The following NRXN3 variants were observed in gnomAD, a reference collection of about 807,000 sequenced individuals.
NRXN3 encodes the protein neurexin 3, also known as neurexin III.
In NRXN3, 32 loss-of-function variants were observed where a neutral mutation model predicts 137.6. That is an observed-to-expected ratio of 0.23 (90% CI 0.18 to 0.31). NRXN3 has a LOEUF of 0.31. Among genes scored for constraint, NRXN3 ranks in the 10% least tolerant of loss-of-function variants. NRXN3 has a pLI of 1.00. For missense variants in NRXN3, 1,574 were observed against 2,062.5 expected (o/e 0.76, Z 4.59); for synonymous variants, 798 against 784.5 (o/e 1.02, Z -0.29).
intron 4 of NRXN3, among the ~76,000 whole-genome samples, chr14:78,342,170 T>C (rs2082217656): frequency 1.3e-5 from 2 of 152,164 alleles, no homozygotes; most frequent in Admixed American, 1.3e-4. Flanking sequence ...GAGAGAGATG[T>C]CACTGAGCTC....
At chr14:79,577,384 T>C (rs936337715) in intron 16 of NRXN3, among the ~76,000 whole-genome samples, 2 of 152,212 alleles carry the variant, frequency 1.3e-5, no homozygotes, top group Non-Finnish European at 2.9e-5. Context: ...TTCAGAGCCT[T>C]CTATTTTTCA....
intron 16 of NRXN3, among the ~76,000 whole-genome samples, chr14:79,652,287 G>A (rs544893303): frequency 1.3e-5 from 2 of 151,844 alleles, no homozygotes; most frequent in South Asian, 4.2e-4. Flanking sequence ...TCATGTTAAT[G>A]AACAAAATTG....
At chr14:78,463,328 T>C (rs2094983586) in intron 4 of NRXN3, among the ~76,000 whole-genome samples, 2 of 150,540 alleles carry the variant, frequency 1.3e-5, no homozygotes, top group African/African-American at 4.9e-5. Flanking sequence ...GACTTTAACT[T>C]TGCTATTGTG....
intron 16 of NRXN3, among the ~76,000 whole-genome samples, chr14:79,616,323 A>G (rs1291305120): frequency 6.6e-6 from 1 of 152,118 alleles, no homozygotes; most frequent in Non-Finnish European, 1.5e-5. Context: ...TTTAAGGGGT[A>G]CATTTGGCAC....
chr14:79,579,577 G>A (rs221414), intron 16 of NRXN3, among the ~76,000 whole-genome samples: 15,499 of 151,730 alleles, frequency 0.1, 1,201 homozygotes, highest in African/African-American at 0.21. Context: ...ATTAATTTGA[G>A]GCTTACATAT....
intron 15 of NRXN3, among the ~76,000 whole-genome samples, chr14:79,384,908 A>G (rs2094564052): frequency 6.6e-6 from 1 of 152,210 alleles, no homozygotes; most frequent in Non-Finnish European, 1.5e-5. Context: ...ATAATAAACC[A>G]TCAATAATTC....
chr14:78,869,948 G>A (rs1379393535), intron 10 of NRXN3, among the ~76,000 whole-genome samples: 8 of 152,152 alleles, frequency 5.3e-5, no homozygotes, highest in Non-Finnish European at 1.0e-4. Context: ...ACAGAGTAGA[G>A]GTCAGCAGAC....
At chr14:78,692,439 A>G (rs2152774468) in intron 6 of NRXN3, among the ~76,000 whole-genome samples, 1 of 152,322 alleles carries the variant, frequency 6.6e-6, no homozygotes, top group African/African-American at 2.4e-5. Context: ...ATCTGCAGCA[A>G]TATAGGTAGG....
At chr14:79,277,798 G>A (rs989409099) in intron 15 of NRXN3, among the ~76,000 whole-genome samples, 4 of 152,168 alleles carry the variant, frequency 2.6e-5, no homozygotes, top group African/African-American at 9.7e-5. Flanking sequence ...CCATTTCCTG[G>A]GGGGCTGTGG....
chr14:79,329,079 G>T (rs1228130137), intron 15 of NRXN3, among the ~76,000 whole-genome samples: 1 of 152,132 alleles, frequency 6.6e-6, no homozygotes, highest in African/African-American at 2.4e-5. Flanking sequence ...TTCTTTCTGT[G>T]TTCAAAGCAA....
chr14:79,452,227 G>A (rs1350383722), intron 15 of NRXN3, among the ~76,000 whole-genome samples: 6 of 152,054 alleles, frequency 3.9e-5, no homozygotes, highest in Non-Finnish European at 8.8e-5. Flanking sequence ...ATCTAATGGA[G>A]AGAAGTACTG....
intron 15 of NRXN3, among the ~76,000 whole-genome samples, chr14:79,173,869 C>T (rs2062034965): frequency 6.6e-6 from 1 of 151,990 alleles, no homozygotes; most frequent in Non-Finnish European, 1.5e-5. Flanking sequence ...CACCTTAAGG[C>T]AGGAAATAAA....
At chr14:78,939,078 C>T (rs948632765) in intron 10 of NRXN3, among the ~76,000 whole-genome samples, 1 of 151,844 alleles carries the variant, frequency 6.6e-6, no homozygotes, top group Admixed American at 6.6e-5. Context: ...ATCTCCTGAC[C>T]TCGTGATCCG....
chr14:78,909,590 A>C (rs887441805), intron 10 of NRXN3, among the ~76,000 whole-genome samples: 1 of 152,098 alleles, frequency 6.6e-6, no homozygotes, highest in African/African-American at 2.4e-5. Context: ...TCCTGATTTG[A>C]CTTCTTCTGA....
chr14:79,382,676 A>T lies in NRXN3; in HGVS notation c.3263-84545A>T, dbSNP rs145611297. Among the ~76,000 whole-genome samples, 271 of 152,232 alleles carry T rather than the reference A, an allele frequency of 1.8e-3. 1 individual carries two copies. Among genetic ancestry groups the T allele is most frequent in the African/African-American group, 6.2e-3 (257 of 41,536 alleles). ...GCCATAACCTCTGCAAAAAGATACAAAGAGACTAGGGAGCCGGAAAGCAAA... is the reference window on the plus strand; with the variant it reads ...GCCATAACCTCTGCAAAAAGATACATAGAGACTAGGGAGCCGGAAAGCAAA... On this transcript the variant is annotated intron_variant, in intron 15 of 20. Transcript: ENST00000335750.
At chr14:78,963,389 G>T (rs1482213299) in intron 11 of NRXN3, among the ~76,000 whole-genome samples, 2 of 152,004 alleles carry the variant, frequency 1.3e-5, no homozygotes, top group Non-Finnish European at 2.9e-5. Flanking sequence ...GAATTAGCAT[G>T]ACTAGCAGCA....
At chr14:79,265,579 T>C (rs966293165) in intron 15 of NRXN3, among the ~76,000 whole-genome samples, 1 of 152,204 alleles carries the variant, frequency 6.6e-6, no homozygotes, top group Non-Finnish European at 1.5e-5. Context: ...GAGTTAGCAG[T>C]GTTACAGACT....
intron 8 of NRXN3, among the ~76,000 whole-genome samples, chr14:78,749,265 G>A (rs2098629582): frequency 6.6e-6 from 1 of 152,108 alleles, no homozygotes; most frequent in Non-Finnish European, 1.5e-5. Context: ...ATTCCAAGTT[G>A]ACAAATGAGA....
intron 4 of NRXN3, among the ~76,000 whole-genome samples, chr14:78,356,323 A>T (rs2084297882): frequency 6.6e-6 from 1 of 152,258 alleles, no homozygotes; most frequent in Non-Finnish European, 1.5e-5. Context: ...TATTCTCCTG[A>T]TGAGGAATAT....
Sources: gnomAD v4.1 joint callset for allele counts (sites outside exome capture counted in the v4.1 genomes callset) on GRCh38, gnomAD v4.1.1 for gene constraint, MANE v1.5 for transcripts, NCBI Gene and HGNC (gene_info 2026-07-23, HGNC 2026-07-21) for gene names.